HEPH: variants seen among roughly 807,000 people sequenced by gnomAD.
HEPH encodes the protein hephaestin.
Under a neutral mutation model 80.8 loss-of-function variants are expected in HEPH, and 69 were observed. That is an observed-to-expected ratio of 0.85 (90% CI 0.70 to 1.04). The LOEUF is 1.04. Ranked by LOEUF, HEPH falls within the 50% of genes least tolerant of loss-of-function variation. The pLI, the probability that HEPH is intolerant of heterozygous loss-of-function variation, is 0.00. For missense variants in HEPH, 1,115 were observed against 891.3 expected (o/e 1.25, Z -3.20); for synonymous variants, 431 against 322.8 (o/e 1.34, Z -3.60).
chrX:66,192,347 C>G, intron 7 of HEPH, 49 bp downstream of exon 7: 1 of 1,056,919 alleles, frequency 9.5e-7, no homozygotes, highest in Non-Finnish European at 1.3e-6. Context: ...TGGTCCAGCT[C>G]CAAACATTTA....
rs1602269934 is a variant in HEPH at position 66,190,562 on chromosome X, G to T, written c.1063+624G>T. ...TTGTGAAAAACTTTATATGACTTTA[G>T]ACAGGTGTCTTTCCATTTCTAGGTC... is the stretch of plus-strand genomic sequence containing the variant. On this transcript the variant is annotated intron_variant, in intron 6 of 20. Transcript: ENST00000343002. Among the ~76,000 whole-genome samples, 6 of 111,971 alleles carry T rather than the reference G, an allele frequency of 5.4e-5. 1 individual carries two copies. In the South Asian group the frequency reaches 2.3e-3, roughly 42 times the overall value.
At chrX:66,262,037 G>T (rs2091381400) in intron 19 of HEPH, among the ~76,000 whole-genome samples, 1 of 112,270 alleles carries the variant, frequency 8.9e-6, no homozygotes, top group Non-Finnish European at 1.9e-5. Flanking sequence ...ACTTCCATGA[G>T]GAAGGATAGC....
intron 4 of HEPH, among the ~76,000 whole-genome samples, chrX:66,177,056 G>T (rs988065645): frequency 7.2e-5 from 8 of 111,457 alleles, no homozygotes; most frequent in South Asian, 3.7e-4. Flanking sequence ...GAAAATTTTT[G>T]CAACCTACTC....
chrX:66,211,144 G>A (rs1461795501), intron 15 of HEPH, among the ~76,000 whole-genome samples: 2 of 111,301 alleles, frequency 1.8e-5, no homozygotes, highest in Non-Finnish European at 3.8e-5. Context: ...GTGAGATAGT[G>A]TGTAAAGTGA....
At chrX:66,218,832 G>A (rs1265186741) in intron 15 of HEPH, among the ~76,000 whole-genome samples, 1 of 97,333 alleles carries the variant, frequency 1.0e-5, no homozygotes, top group Non-Finnish European at 2.0e-5. Context: ...TCTATACAAT[G>A]TCTGTAATCT....
intron 15 of HEPH, among the ~76,000 whole-genome samples, chrX:66,230,332 A>G (rs1210298400): frequency 3.0e-4 from 30 of 98,958 alleles, no homozygotes; most frequent in Non-Finnish European, 9.8e-5. Context: ...CTAGTTCTAT[A>G]TCCCTGAGGA....
At chrX:66,264,781 G>A (rs908318154) in intron 20 of HEPH, among the ~76,000 whole-genome samples, 2 of 103,997 alleles carry the variant, frequency 1.9e-5, no homozygotes, top group African/African-American at 7.0e-5. Context: ...TTCAACCTGA[G>A]CAACTAAATT....
chrX:66,174,579 T>A (rs1397206841), intron 4 of HEPH, among the ~76,000 whole-genome samples: 3 of 112,208 alleles, frequency 2.7e-5, no homozygotes, highest in African/African-American at 6.5e-5. Context: ...CATTAAGCAA[T>A]CTCCACACTG....
At chrX:66,264,250 AATATAT>A (rs780655713) in intron 20 of HEPH, among the ~76,000 whole-genome samples, 1 of 104,239 alleles carries the variant, frequency 9.6e-6, no homozygotes, top group African/African-American at 3.5e-5. Context: ...AAGCTGTTGA[AATATAT>A]ATATATATAT....
intron 9 of HEPH, among the ~76,000 whole-genome samples, chrX:66,195,898 A>G (rs967336027): frequency 8.9e-6 from 1 of 111,818 alleles, no homozygotes. Context: ...ATCTAAGAAT[A>G]TTAATGCATG....
chrX:66,232,878 G>C (rs2090208936), intron 15 of HEPH, among the ~76,000 whole-genome samples: 2 of 110,020 alleles, frequency 1.8e-5, no homozygotes, highest in Admixed American at 2.0e-4. Context: ...CCTTTGAAAA[G>C]CTTTTGCTCT....
Position 66,195,216 on chromosome X carries a change from T to C in HEPH, c.1488T>C (p.Thr496=), listed in dbSNP as rs747751560. The change falls in exon 9 of 21, where the codon ACT becomes ACC. Residue 496 remains threonine (T), a synonymous_variant. Coordinates refer to ENST00000343002, the MANE Select transcript of HEPH (RefSeq NM_001367233.3). The part of the protein sequence containing the change: ...GVFYEKDYEG[T]VYNDGSSYPG... ...TTTATGAGAAAGACTATGAAGGCAC[T>C]GTGTACAATGATGGTGAGCCAACAG... The C allele has an allele frequency of 8.5e-7, 1 of 1,183,369 alleles. No individual in the cohort carries two copies. The highest frequency in any genetic ancestry group is 2.0e-5 in the South Asian group (1 of 50,623).
chrX:66,200,118 G>A (rs183398936), intron 11 of HEPH, among the ~76,000 whole-genome samples: 63 of 110,575 alleles, frequency 5.7e-4, no homozygotes, highest in Middle Eastern at 4.7e-3. Context: ...ACACGTATGG[G>A]GGCGTGGAAA....
intron 19 of HEPH, 55 bp downstream of exon 19, chrX:66,260,317 G>A: frequency 9.7e-7 from 1 of 1,026,783 alleles, no homozygotes; most frequent in Admixed American, 2.3e-5. Context: ...CTAGCCTATA[G>A]GAAGCAGGTA....
At chrX:66,200,239 T>G (rs2088353736) in intron 11 of HEPH, among the ~76,000 whole-genome samples, 1 of 90,154 alleles carries the variant, frequency 1.1e-5, no homozygotes, top group South Asian at 5.0e-4. Context: ...ATAGGAGAGA[T>G]TGGTGTGTGT....
At chrX:66,196,648 T>C (rs2147756964) in intron 9 of HEPH, among the ~76,000 whole-genome samples, 1 of 112,101 alleles carries the variant, frequency 8.9e-6, no homozygotes, top group South Asian at 3.7e-4. Context: ...CCTATCAGTT[T>C]AGAGTTCCAT....
chrX:66,192,380 T>G, intron 7 of HEPH, 82 bp downstream of exon 7: 2 of 973,920 alleles, frequency 2.1e-6, no homozygotes, highest in Non-Finnish European at 2.8e-6. Flanking sequence ...CAGAAATCTC[T>G]CACTTTACTC....
chrX:66,263,715 T>A (rs773654539), intron 20 of HEPH, 27 bp downstream of exon 20: 25 of 1,182,710 alleles, frequency 2.1e-5, no homozygotes, highest in Non-Finnish European at 2.8e-5. Flanking sequence ...ACAGACTGGG[T>A]ACTTATACAT....
intron 15 of HEPH, among the ~76,000 whole-genome samples, chrX:66,224,241 G>C (rs1185249642): frequency 9.0e-6 from 1 of 110,856 alleles, no homozygotes; most frequent in East Asian, 2.8e-4. Context: ...TGAAAACCTT[G>C]TAAGTTTGGG....
Sources: gnomAD v4.1 joint callset for allele counts (sites outside exome capture counted in the v4.1 genomes callset) on GRCh38, gnomAD v4.1.1 for gene constraint, MANE v1.5 for transcripts, NCBI Gene and HGNC (gene_info 2026-07-23, HGNC 2026-07-21) for gene names.